Variants in KCNQ3 observed in about 807,000 individuals in gnomAD.
The protein encoded by KCNQ3 is potassium voltage-gated channel subfamily Q member 3.
A neutral mutation model predicts 92.5 loss-of-function variants in KCNQ3; 30 were observed. The observed-to-expected ratio is 0.32, with a 90% confidence interval of 0.24 to 0.44. KCNQ3 has a LOEUF of 0.44. Ranked by LOEUF, KCNQ3 falls within the 20% of genes least tolerant of loss-of-function variation. KCNQ3 has a pLI of 1.00. For missense variants in KCNQ3, 913 were observed against 1,140.3 expected (o/e 0.80, Z 2.87); for synonymous variants, 450 against 468.8 (o/e 0.96, Z 0.52).
chr8:132,147,359 T>G (rs1245815388), intron 9 of KCNQ3, among the ~76,000 whole-genome samples: 2 of 152,198 alleles, frequency 1.3e-5, no homozygotes, highest in African/African-American at 4.8e-5. Context: ...CTATTTTTTT[T>G]GGAGTTGGGC....
intron 1 of KCNQ3, among the ~76,000 whole-genome samples, chr8:132,320,769 C>A (rs1485055188): frequency 6.6e-6 from 1 of 152,090 alleles, no homozygotes; most frequent in Non-Finnish European, 1.5e-5. Context: ...GAATCCAAGG[C>A]TGCTGTTATT....
chr8:132,460,110 C>G (rs1214662861), intron 1 of KCNQ3, among the ~76,000 whole-genome samples: 1 of 152,004 alleles, frequency 6.6e-6, no homozygotes, highest in Non-Finnish European at 1.5e-5. Context: ...CTTGGCTCAC[C>G]TTGTATATAT....
intron 1 of KCNQ3, among the ~76,000 whole-genome samples, chr8:132,387,651 C>T (rs1819923544): frequency 6.6e-6 from 1 of 152,044 alleles, no homozygotes; most frequent in African/African-American, 2.4e-5. Flanking sequence ...TATCTGATAT[C>T]AAAAGATTAC....
chr8:132,431,327 T>G (rs1194548291), intron 1 of KCNQ3, among the ~76,000 whole-genome samples: 1 of 152,210 alleles, frequency 6.6e-6, no homozygotes, highest in Non-Finnish European at 1.5e-5. Context: ...CTGGAGGCAC[T>G]GGGGATGGTA....
chr8:132,429,044 C>T (rs145605511), intron 1 of KCNQ3, among the ~76,000 whole-genome samples: 382 of 152,330 alleles, frequency 2.5e-3, no homozygotes, highest in Non-Finnish European at 3.8e-3. Context: ...GACATTGGCA[C>T]TTGGAGCAAT....
At chr8:132,388,517 AT>A (rs1357961174) in intron 1 of KCNQ3, among the ~76,000 whole-genome samples, 1 of 152,220 alleles carries the variant, frequency 6.6e-6, no homozygotes, top group African/African-American at 2.4e-5. Flanking sequence ...TAGAAAAAAA[AT>A]AATATTAGAA....
chr8:132,468,077 T>A (rs920602176), intron 1 of KCNQ3, among the ~76,000 whole-genome samples: 3 of 152,164 alleles, frequency 2.0e-5, no homozygotes, highest in African/African-American at 7.2e-5. Flanking sequence ...GGACCATAAA[T>A]CCCACAAATT....
chr8:132,414,983 G>A (rs1820758224), intron 1 of KCNQ3, among the ~76,000 whole-genome samples: 1 of 152,236 alleles, frequency 6.6e-6, no homozygotes, highest in Admixed American at 6.5e-5. Context: ...AGGGGCTGCT[G>A]TCAGCTGTGT....
chr8:132,403,375 C>A (rs1053781078), intron 1 of KCNQ3, among the ~76,000 whole-genome samples: 4 of 152,128 alleles, frequency 2.6e-5, no homozygotes, highest in Non-Finnish European at 5.9e-5. Flanking sequence ...GCAGCCCAAG[C>A]CTTCTGTGCA....
intron 1 of KCNQ3, among the ~76,000 whole-genome samples, chr8:132,383,949 C>G (rs572327656): frequency 1.3e-5 from 2 of 152,264 alleles, no homozygotes; most frequent in Admixed American, 1.3e-4. Context: ...GGAAAAGCAT[C>G]CAGAGTTTCT....
At chr8:132,324,208 G>T (rs1255976317) in intron 1 of KCNQ3, among the ~76,000 whole-genome samples, 1 of 152,126 alleles carries the variant, frequency 6.6e-6, no homozygotes, top group African/African-American at 2.4e-5. Flanking sequence ...TGTCCCGTCA[G>T]CATGGTCAGT....
chr8:132,281,557 T>C, intron 1 of KCNQ3, among the ~76,000 whole-genome samples: 1 of 152,054 alleles, frequency 6.6e-6, no homozygotes, highest in South Asian at 2.1e-4. Flanking sequence ...TGTATATATA[T>C]ATATATATGA....
chr8:132,317,327 C>G (rs1817772004), intron 1 of KCNQ3, among the ~76,000 whole-genome samples: 1 of 152,120 alleles, frequency 6.6e-6, no homozygotes, highest in Admixed American at 6.6e-5. Context: ...TTAAAACATG[C>G]CTAAAAACCA....
chr8:132,428,032 A>G (rs1239743289), intron 1 of KCNQ3, among the ~76,000 whole-genome samples: 2 of 152,166 alleles, frequency 1.3e-5, no homozygotes, highest in Admixed American at 6.5e-5. Context: ...TTCCCAGTGC[A>G]TCAGTCTCTG....
At chr8:132,245,517 G>C (rs1316434075) in intron 1 of KCNQ3, among the ~76,000 whole-genome samples, 1 of 151,886 alleles carries the variant, frequency 6.6e-6, no homozygotes, top group Non-Finnish European at 1.5e-5. Context: ...TACATTCATT[G>C]GTCAAAAAAT....
intron 1 of KCNQ3, among the ~76,000 whole-genome samples, chr8:132,469,169 C>G (rs1008025525): frequency 6.6e-6 from 1 of 152,336 alleles, no homozygotes; most frequent in African/African-American, 2.4e-5. Context: ...CCTATAGACA[C>G]AGGTGCTGAG....
intron 1 of KCNQ3, among the ~76,000 whole-genome samples, chr8:132,191,978 T>C (rs1279133146): frequency 6.6e-6 from 1 of 152,198 alleles, no homozygotes; most frequent in Non-Finnish European, 1.5e-5. Context: ...CTTGCGGACC[T>C]GCTGCACTTG....
intron 1 of KCNQ3, among the ~76,000 whole-genome samples, chr8:132,371,724 C>T (rs1216913499): frequency 6.6e-6 from 1 of 152,204 alleles, no homozygotes; most frequent in East Asian, 1.9e-4. Context: ...GAAGGTAAAG[C>T]TTTATCCCTT....
intron 1 of KCNQ3, among the ~76,000 whole-genome samples, chr8:132,250,651 A>C (rs1223858180): frequency 6.6e-6 from 1 of 152,186 alleles, no homozygotes; most frequent in Non-Finnish European, 1.5e-5. Context: ...CTTTTGGCTC[A>C]TCTGTGGACC....
Sources: gnomAD v4.1 joint callset for allele counts (sites outside exome capture counted in the v4.1 genomes callset) on GRCh38, gnomAD v4.1.1 for gene constraint, MANE v1.5 for transcripts, NCBI Gene and HGNC (gene_info 2026-07-23, HGNC 2026-07-21) for gene names.